APBA1: variants seen among roughly 807,000 people sequenced by gnomAD.
APBA1 encodes the protein amyloid-beta A4 precursor protein-binding family A member 1.
APBA1 carries 55 observed loss-of-function variants against 86.6 expected under a neutral mutation model. The ratio of observed to expected loss-of-function variants is 0.64; its 90% CI spans 0.51 to 0.80. APBA1 has a LOEUF of 0.80. Among genes scored for constraint, APBA1 ranks in the 30% least tolerant of loss-of-function variants. The pLI is 0.00. For missense variants in APBA1, 1,090 were observed against 1,183.0 expected, an observed-to-expected ratio of 0.92 and a Z score of 1.15; for synonymous variants, 511 against 493.9, an observed-to-expected ratio of 1.03 and a Z score of -0.46.
chr9:69,569,202 G>A (rs1010220754), intron 1 of APBA1, among the ~76,000 whole-genome samples: 1 of 152,006 alleles, frequency 6.6e-6, no homozygotes, highest in Non-Finnish European at 1.5e-5. Flanking sequence ...ATTCAGGTGT[G>A]GTTTTTCACA....
chr9:69,568,151 G>A (rs1234492477), intron 1 of APBA1, among the ~76,000 whole-genome samples: 3 of 152,182 alleles, frequency 2.0e-5, no homozygotes, highest in African/African-American at 7.2e-5. Context: ...ACGTAGAGAA[G>A]AGCAACAGAA....
At chr9:69,570,287 CAT>C (rs1443307981) in intron 1 of APBA1, among the ~76,000 whole-genome samples, 5 of 152,290 alleles carry the variant, frequency 3.3e-5, no homozygotes, top group African/African-American at 1.2e-4. Flanking sequence ...AGGATGGAGA[CAT>C]GTGCAAGAAA....
At position 69,467,977 on chromosome 9, in the gene APBA1, CAT is replaced by C. The variant is rs1277157970; in HGVS notation, c.1337-11_1337-10del. The C allele has an allele frequency of 9.9e-6, 16 of 1,613,320 alleles. No homozygotes were observed. Among genetic ancestry groups the C allele is most frequent in the Non-Finnish European group, 1.3e-5 (15 of 1,179,510 alleles). ...GTCGCAGGGTCCCGGAACTGTAACA[CAT>C]AGAGCCACAGTGAGGAAGCCATCCT... On this transcript the variant is annotated splice_polypyrimidine_tract_variant and intron_variant, in intron 4 of 12. Coordinates refer to ENST00000265381, the MANE Select transcript of APBA1 (RefSeq NM_001163.4).
chr9:69,493,344 C>T (rs1045403352), intron 2 of APBA1, among the ~76,000 whole-genome samples: 8 of 152,062 alleles, frequency 5.3e-5, no homozygotes, highest in East Asian at 1.9e-4. Context: ...ATATCACCTG[C>T]GTTTCTGCTC....
intron 10 of APBA1, among the ~76,000 whole-genome samples, chr9:69,445,870 C>A (rs1409478983): frequency 1.3e-5 from 2 of 152,140 alleles, no homozygotes; most frequent in African/African-American, 2.4e-5. Context: ...AGCCTGCAGA[C>A]TGGTGATGCC....
intron 5 of APBA1, among the ~76,000 whole-genome samples, chr9:69,466,144 C>T (rs986426990): frequency 6.6e-5 from 10 of 152,080 alleles, no homozygotes; most frequent in African/African-American, 2.4e-4. Flanking sequence ...GCATTTTCTC[C>T]AAGTACAGAG....
intron 1 of APBA1, among the ~76,000 whole-genome samples, chr9:69,618,367 G>A (rs540770551): frequency 1.2e-4 from 19 of 152,254 alleles, no homozygotes; most frequent in African/African-American, 3.6e-4. Context: ...GTGTGTTTGC[G>A]CGATGCACAA....
At chr9:69,610,397 GC>G in intron 1 of APBA1, among the ~76,000 whole-genome samples, 1 of 152,232 alleles carries the variant, frequency 6.6e-6, no homozygotes, top group African/African-American at 2.4e-5. Context: ...TGGGGAGTAA[GC>G]CCTTTCTGGT....
intron 2 of APBA1, among the ~76,000 whole-genome samples, chr9:69,490,217 C>T (rs975166210): frequency 3.9e-5 from 6 of 151,908 alleles, no homozygotes; most frequent in East Asian, 3.9e-4. Context: ...AGTAAACTAT[C>T]GCAAGGACAA....
At chr9:69,591,938 G>T (rs1160310087) in intron 1 of APBA1, among the ~76,000 whole-genome samples, 2 of 152,134 alleles carry the variant, frequency 1.3e-5, no homozygotes, top group African/African-American at 4.8e-5. Flanking sequence ...GGGAAAAAAA[G>T]TCTGTTTTCT....
intron 1 of APBA1, among the ~76,000 whole-genome samples, chr9:69,655,740 CA>C (rs1330335835): frequency 6.6e-6 from 1 of 151,678 alleles, no homozygotes; most frequent in Non-Finnish European, 1.5e-5. Context: ...TATGGAACCA[CA>C]AAAGACTCCA....
At chr9:69,546,734 A>C (rs535334252) in intron 1 of APBA1, among the ~76,000 whole-genome samples, 1 of 152,356 alleles carries the variant, frequency 6.6e-6, no homozygotes, top group East Asian at 1.9e-4. Flanking sequence ...ATAAATCTTA[A>C]AGTAAGGAGC....
chr9:69,482,657 T>C (rs1190645549), intron 2 of APBA1, among the ~76,000 whole-genome samples: 2 of 151,556 alleles, frequency 1.3e-5, no homozygotes, highest in African/African-American at 4.9e-5. Flanking sequence ...CATGCTGCTA[T>C]AAAGACACAT....
intron 1 of APBA1, among the ~76,000 whole-genome samples, chr9:69,574,637 T>C (rs1239536882): frequency 6.6e-6 from 1 of 152,222 alleles, no homozygotes; most frequent in Non-Finnish European, 1.5e-5. Context: ...GGTTTTGCTC[T>C]TATTTTAGGT....
chr9:69,610,722 A>G (rs1822570047), intron 1 of APBA1, among the ~76,000 whole-genome samples: 1 of 152,190 alleles, frequency 6.6e-6, no homozygotes, highest in South Asian at 2.1e-4. Context: ...ACTCCCTAAT[A>G]GAAATTATCA....
In APBA1 at chr9:69,468,427, G is replaced by GC. The variant is rs35915227; in HGVS notation, c.1337-460dup. Among the ~76,000 whole-genome samples the GC allele has an allele frequency of 2.6e-3, 397 of 151,540 alleles. 2 individuals are homozygous for GC. Among genetic ancestry groups the GC allele is most frequent in the African/African-American group, 7.9e-3 (326 of 41,376 alleles). On this transcript the variant is annotated intron_variant, in intron 4 of 12. Coordinates refer to ENST00000265381, the MANE Select transcript of APBA1 (RefSeq NM_001163.4). ...CTTTTTACAGCAATTCCTATTACTTGCCCCCCCCCATTCATATCTCTTCCT... is the reference window on the plus strand; with the variant it reads ...CTTTTTACAGCAATTCCTATTACTTGCCCCCCCCCCATTCATATCTCTTCCT...
intron 10 of APBA1, 65 bp downstream of exon 10, chr9:69,449,519 T>TG (rs1834965361): frequency 7.1e-7 from 1 of 1,399,228 alleles, no homozygotes; most frequent in Non-Finnish European, 1.0e-6. Flanking sequence ...AATGACTGGA[T>TG]GGGGGTCACA....
chr9:69,645,849 G>A (rs932810972), intron 1 of APBA1, among the ~76,000 whole-genome samples: 3 of 152,184 alleles, frequency 2.0e-5, no homozygotes, highest in Admixed American at 2.0e-4. Context: ...TGCTGCTCCA[G>A]GAAGCTCAGC....
intron 1 of APBA1, among the ~76,000 whole-genome samples, chr9:69,614,711 G>A (rs1356406944): frequency 6.6e-6 from 1 of 152,096 alleles, no homozygotes; most frequent in Non-Finnish European, 1.5e-5. Context: ...CTTTAAGGTC[G>A]ATGGACTAAA....
Sources: allele counts gnomAD v4.1 joint callset (sites outside exome capture counted in the v4.1 genomes callset), GRCh38; gene constraint gnomAD v4.1.1; transcripts MANE v1.5; gene names NCBI Gene and HGNC (gene_info 2026-07-23, HGNC 2026-07-21).